Variants in CFAP44 observed in about 807,000 individuals in gnomAD.
CFAP44 encodes cilia and flagella associated protein 44.
A neutral mutation model predicts 216.2 loss-of-function variants in CFAP44; 134 were observed. That is an observed-to-expected ratio of 0.62 (90% CI 0.54 to 0.72). The LOEUF (loss-of-function observed/expected upper bound fraction) is 0.72, where lower values mean the gene tolerates loss of function less well. Among genes scored for constraint, CFAP44 ranks in the 30% least tolerant of loss-of-function variants. CFAP44 has a pLI of 0.00. For missense variants in CFAP44, 2,035 were observed against 2,182.1 expected (o/e 0.93, Z 1.34); for synonymous variants, 700 against 727.6 (o/e 0.96, Z 0.61).
intron 28 of CFAP44, among the ~76,000 whole-genome samples, chr3:113,319,717 TA>T (rs1264928174): frequency 6.6e-6 from 1 of 151,980 alleles, no homozygotes; most frequent in African/African-American, 2.4e-5. Context: ...TAACTATAAT[TA>T]GAGAAGAACT....
At chr3:113,302,236 G>T (rs1263416992) in intron 32 of CFAP44, among the ~76,000 whole-genome samples, 1 of 151,918 alleles carries the variant, frequency 6.6e-6, no homozygotes, top group African/African-American at 2.4e-5. Flanking sequence ...GTGAACATAG[G>T]ACTGCAGATG....
At chr3:113,368,699 C>A (rs146163928) in intron 18 of CFAP44, among the ~76,000 whole-genome samples, 3,624 of 152,236 alleles carry the variant, frequency 0.024, 66 homozygotes, top group African/African-American at 0.046. Flanking sequence ...GCAAAATAAC[C>A]AGCTAACATC....
intron 9 of CFAP44, 40 bp downstream of exon 9, chr3:113,403,812 T>C (rs754074273): frequency 6.3e-7 from 1 of 1,590,660 alleles, no homozygotes; most frequent in Non-Finnish European, 8.6e-7. Flanking sequence ...CTACAAGTCT[T>C]AAACGTGGGT....
intron 23 of CFAP44, among the ~76,000 whole-genome samples, chr3:113,342,652 A>G (rs1021849691): frequency 6.6e-6 from 1 of 152,148 alleles, no homozygotes; most frequent in Non-Finnish European, 1.5e-5. Flanking sequence ...TCTGAAGCCA[A>G]CTAAAAAACT....
chr3:113,404,977 G>C (rs1029416542), intron 8 of CFAP44, among the ~76,000 whole-genome samples: 1 of 152,156 alleles, frequency 6.6e-6, no homozygotes, highest in African/African-American at 2.4e-5. Flanking sequence ...TAATAGAGAA[G>C]TATTTGCTGG....
chr3:113,403,747 C>A, intron 9 of CFAP44, 105 bp downstream of exon 9: 1 of 1,296,730 alleles, frequency 7.7e-7, no homozygotes, highest in East Asian at 2.6e-5. Context: ...GAGTAAATGA[C>A]TACTGATCTC....
intron 1 of CFAP44, among the ~76,000 whole-genome samples, chr3:113,439,322 A>G (rs148511672): frequency 6.6e-6 from 1 of 152,274 alleles, no homozygotes; most frequent in East Asian, 1.9e-4. Flanking sequence ...TGTATGCTGG[A>G]TAACTATCCC....
rs571933065 is a variant in CFAP44 at position 113,400,591 on chromosome 3, C to T, written c.1428G>A (p.Val476=). Reference sequence around the variant, plus strand: ...TGAGATAAGTGAGAGGAGAAACAGCCACGGCTTCAATAGCTCCAGAATGGA... The same window carrying T: ...TGAGATAAGTGAGAGGAGAAACAGCTACGGCTTCAATAGCTCCAGAATGGA... ...FSFHSGAIEA[V]AVSPLTYLMA... is the part of the protein sequence containing the mutation. The change falls in exon 12 of 35, where the codon GTG becomes GTA. Residue 476 remains valine, a synonymous_variant. Coordinates refer to ENST00000393845, the MANE Select transcript of CFAP44 (RefSeq NM_001164496.2). 2 of 1,609,844 alleles carry T rather than the reference C, an allele frequency of 1.2e-6. No individual in the cohort carries two copies. Among genetic ancestry groups the T allele is most frequent in the South Asian group, 2.2e-5 (2 of 90,532 alleles).
At chr3:113,329,371 G>A (rs1388569768) in intron 26 of CFAP44, among the ~76,000 whole-genome samples, 1 of 152,170 alleles carries the variant, frequency 6.6e-6, no homozygotes, top group Non-Finnish European at 1.5e-5. Context: ...GAAGGAAACA[G>A]CAAAGGAAAA....
At chr3:113,348,005 A>G (rs142932637) in intron 22 of CFAP44, among the ~76,000 whole-genome samples, 222 of 152,202 alleles carry the variant, frequency 1.5e-3, no homozygotes, top group African/African-American at 5.0e-3. Context: ...ACTAAATCCA[A>G]CCTTCCTCTG....
chr3:113,357,336 T>C (rs1950500731), intron 22 of CFAP44, among the ~76,000 whole-genome samples: 1 of 152,060 alleles, frequency 6.6e-6, no homozygotes, highest in Non-Finnish European at 1.5e-5. Context: ...TGAAATGAGA[T>C]AATGACAGCA....
At chr3:113,315,594 T>C (rs1950078850) in intron 28 of CFAP44, among the ~76,000 whole-genome samples, 1 of 152,144 alleles carries the variant, frequency 6.6e-6, no homozygotes. Flanking sequence ...TAAATGACAG[T>C]AATTAAAACA....
At chr3:113,435,640 G>C (rs1935219350) in intron 1 of CFAP44, among the ~76,000 whole-genome samples, 1 of 151,284 alleles carries the variant, frequency 6.6e-6, no homozygotes, top group Admixed American at 6.6e-5. Flanking sequence ...GAGGCAGGAG[G>C]ATCACTTGAG....
chr3:113,318,910 A>G (rs1202451099), intron 28 of CFAP44, among the ~76,000 whole-genome samples: 1 of 152,124 alleles, frequency 6.6e-6, no homozygotes, highest in Admixed American at 6.6e-5. Flanking sequence ...CCAGTCTTAC[A>G]AGAGGTCCTT....
In CFAP44 at chr3:113,308,229, G is replaced by C. The variant is rs2107794992; in HGVS notation, c.4556C>G (p.Ser1519Cys). 6.5e-7 allele frequency: 1 copy of C among 1,536,262 alleles called. No individual in the cohort carries two copies. Among genetic ancestry groups the C allele is most frequent in the Non-Finnish European group, 8.7e-7 (1 of 1,146,660 alleles). The change falls in exon 29 of 35, where the codon TCT becomes TGT. Residue 1519 changes from serine (S) to cysteine (C), a missense_variant. Physicochemically the swap from Ser to Cys is moderately radical, Grantham distance 112. Transcript: ENST00000393845. ...EESEESSEEE[S>C]SLESDEDESE... The stretch of plus-strand genomic sequence containing the variant: ...CTCATCTTCATCACTCTCCAAGCTA[G>C]ATTCTTCTTCACTTGATTCCTCACT...
intron 15 of CFAP44, among the ~76,000 whole-genome samples, chr3:113,383,492 G>C (rs1933567500): frequency 6.6e-6 from 1 of 152,092 alleles, no homozygotes; most frequent in African/African-American, 2.4e-5. Flanking sequence ...GGGAATTTAG[G>C]CTTCAACATA....
At chr3:113,369,487 A>C (rs574049690) in intron 18 of CFAP44, among the ~76,000 whole-genome samples, 1 of 152,352 alleles carries the variant, frequency 6.6e-6, no homozygotes, top group African/African-American at 2.4e-5. Context: ...TACTGGGTAA[A>C]TAACAAAATG....
intron 29 of CFAP44, among the ~76,000 whole-genome samples, chr3:113,306,681 A>C (rs74515718): frequency 0.033 from 5,065 of 152,276 alleles, 245 homozygotes; most frequent in African/African-American, 0.11. Flanking sequence ...TAACCAGTAC[A>C]TAACAGAATG....
intron 15 of CFAP44, among the ~76,000 whole-genome samples, chr3:113,388,913 A>T (rs1296980064): frequency 6.6e-6 from 1 of 152,220 alleles, no homozygotes; most frequent in East Asian, 1.9e-4. Flanking sequence ...GATCAACCCC[A>T]ATACAACAAT....
Sources: gnomAD v4.1 joint callset for allele counts (sites outside exome capture counted in the v4.1 genomes callset) on GRCh38, gnomAD v4.1.1 for gene constraint, MANE v1.5 for transcripts, NCBI Gene and HGNC (gene_info 2026-07-23, HGNC 2026-07-21) for gene names.